The following HLA-DMB variants were observed in gnomAD, a reference collection of about 807,000 sequenced individuals.
HLA-DMB encodes major histocompatibility complex, class II, DM beta.
A neutral mutation model predicts 29.3 loss-of-function variants in HLA-DMB; 18 were observed. The ratio of observed to expected loss-of-function variants is 0.62; its 90% CI spans 0.43 to 0.91. HLA-DMB has a LOEUF of 0.91. HLA-DMB is among the 40% of genes least tolerant of loss of function. The pLI is 0.00. For missense variants in HLA-DMB, 258 were observed against 320.9 expected (o/e 0.80, Z 1.50); for synonymous variants, 143 against 128.7 (o/e 1.11, Z -0.75).
intron 3 of HLA-DMB, chr6:32,936,351 C>G (rs1003471659): frequency 2.6e-5 from 4 of 152,442 alleles, no homozygotes; most frequent in Non-Finnish European, 5.9e-5. Context: ...TCTCTGTTCT[C>G]CATTCCCTTC....
chr6:32,938,992 G>A (rs992544321), intron 1 of HLA-DMB, 27 bp from the exon 2 acceptor site: 2 of 1,387,444 alleles, frequency 1.4e-6, no homozygotes, highest in Admixed American at 5.5e-5. Context: ...AGGGAGAACA[G>A]GTCAATGTCT....
In HLA-DMB at chr6:32,936,199, C is replaced by T. The variant is rs534029776; in HGVS notation, c.623-547G>A. 5.4e-4 allele frequency: 83 copies of T among 154,994 alleles called. 2 individuals are homozygous for T. The South Asian group carries it at 9.3e-3, about 17-fold the overall frequency. 9.6% of individuals were successfully genotyped at this position (154,994 alleles called of 1,614,324 possible). A position where few individuals can be genotyped will look rare whatever the true frequency, so the allele number is the denominator to read the frequency against. On this transcript the variant is annotated intron_variant, in intron 3 of 5. Transcript: ENST00000418107. ...CCACAGCCCCTGCACTTCCTTGGGC[C>T]GGTCCTGTTCTGAATCATGTCCCAC... is the stretch of plus-strand genomic sequence containing the variant.
rs774065296 is a variant in HLA-DMB at position 32,935,628 on chromosome 6, G to T, written c.647C>A (p.Thr216Asn). Residue 216 changes from threonine (T) to asparagine (N), a missense_variant, in exon 4 of 6, where the codon ACC becomes AAC. Transcript: ENST00000418107. ...CACTGCAGACACAGAAACCTTCAGG[G>T]TCTGCATGGGGGACAGCCCAGGTGC... is the stretch of plus-strand genomic sequence containing the variant. ...DWTPGLSPMQ[T>N]LKVSVSAVTL... The T allele has an allele frequency of 6.2e-7, 1 of 1,612,738 alleles. No homozygotes were observed. Among genetic ancestry groups the T allele is most frequent in the South Asian group, 1.1e-5 (1 of 91,050 alleles).
chr6:32,938,792 A>C lies in HLA-DMB; in HGVS notation c.229T>G (p.Ser77Ala). 1 of 1,610,942 alleles carries C rather than the reference A, an allele frequency of 6.2e-7. No homozygotes were observed. Among genetic ancestry groups the C allele is most frequent in the Non-Finnish European group, 8.5e-7 (1 of 1,179,072 alleles). ...GTGTCTTTTTGGTTGAGGTGCTGTG[A>C]GAGGACATTCGCCAAGCTATTCAGC... Reference protein sequence around the residue: ...GVLNSLANVLSQHLNQKDTLM... With the variant: ...GVLNSLANVLAQHLNQKDTLM... Residue 77 changes from serine (S) to alanine (A), a missense_variant, in exon 2 of 6, where the codon TCA becomes GCA. Physicochemically the swap from Ser to Ala is moderately conservative, Grantham distance 99. Transcript: ENST00000418107.
intron 2 of HLA-DMB, chr6:32,938,081 A>G (rs1776114000): frequency 6.5e-6 from 1 of 153,112 alleles, no homozygotes. Context: ...CCAAGGAATT[A>G]TGTTAAAATG....
At chr6:32,935,109 A>C in intron 5 of HLA-DMB, 122 bp from the exon 6 acceptor site, 1 of 1,124,862 alleles carries the variant, frequency 8.9e-7, no homozygotes, top group Non-Finnish European at 1.3e-6. Context: ...CCAACAACTA[A>C]TACAAAGGAA....
chr6:32,935,561 G>C lies in HLA-DMB; in HGVS notation c.714C>G (p.Ile238Met), dbSNP rs1383721088. The C allele has an allele frequency of 1.9e-6, 3 of 1,612,864 alleles. No individual in the cohort carries two copies. The African/African-American group carries it at 4.0e-5, about 22-fold the overall frequency. Reference sequence around the variant, plus strand: ...TAGAGTGGCCAGCTCTCCGCCAGCTGATCACACCAAGAGAGAAGATGATGA... The same window carrying C: ...TAGAGTGGCCAGCTCTCCGCCAGCTCATCACACCAAGAGAGAAGATGATGA... The part of the protein sequence containing the change: ...LGLIIFSLGV[I>M]SWRRAGHSSY... Residue 238 changes from isoleucine (I) to methionine (M), a missense_variant, in exon 4 of 6, where the codon ATC (isoleucine) becomes ATG (methionine). Coordinates refer to ENST00000418107, the MANE Select transcript of HLA-DMB (RefSeq NM_002118.5).
At chr6:32,935,796 A>G in intron 3 of HLA-DMB, 144 bp from the exon 4 acceptor site, 1 of 625,458 alleles carries the variant, frequency 1.6e-6, no homozygotes, top group Non-Finnish European at 2.9e-6. Context: ...CTCCCAAGAA[A>G]ATGATCTTTC....
rs139997170 is a variant in HLA-DMB at position 32,937,525 on chromosome 6, T to C, written c.338-69A>G. 4,527 of 1,485,838 alleles carry C rather than the reference T, an allele frequency of 3.0e-3. 23 individuals are homozygous for C. Among genetic ancestry groups the C allele is most frequent in the Middle Eastern group, 0.015 (73 of 4,862 alleles). The allele number at this position is 1,485,838 out of a possible 1,614,324, so 92.0% of individuals were successfully genotyped here. ...CTGGCTGCTTCCTCAACCTGGTTTC[T>C]TCCCTATCGCAACTCTTCGTAGATT... is the stretch of plus-strand genomic sequence containing the variant. On this transcript the variant is annotated intron_variant, in intron 2 of 5. Coordinates refer to ENST00000418107, the MANE Select transcript of HLA-DMB (RefSeq NM_002118.5). This position sits in a 1 kb window ranked among gnomAD's most constrained non-coding sequence, Gnocchi z 4.1.
In HLA-DMB at chr6:32,935,518, G is replaced by A; in HGVS notation, c.739+18C>T. The stretch of plus-strand genomic sequence containing the variant: ...AGTGGGACCAAGAGTGGGGATGGGA[G>A]TTCAGCGAGTCACTCACTAGAGTGG... On this transcript the variant is annotated intron_variant, in intron 4 of 5. Coordinates refer to ENST00000418107, the MANE Select transcript of HLA-DMB (RefSeq NM_002118.5). 6.3e-7 allele frequency: 1 copy of A among 1,591,078 alleles called. No individual in the cohort carries two copies.
chr6:32,935,947 C>T (rs68600), intron 3 of HLA-DMB: 194,332 of 438,048 alleles, frequency 0.44, 45,310 homozygotes, highest in Middle Eastern at 0.47. Context: ...TTCCTTTACC[C>T]CAAAGCCACC....
rs772240569 is a variant in HLA-DMB, at chr6:32,937,406, G to T, written c.388C>A (p.Pro130Thr). The T allele has an allele frequency of 1.3e-5, 21 of 1,614,046 alleles. No homozygotes were observed. In the East Asian group the frequency reaches 1.6e-4, roughly 12 times the overall value. The change falls in exon 3 of 6, where the codon CCT becomes ACT. Residue 130 changes from proline (P) to threonine (T), a missense_variant. By Grantham distance (38) the Pro-to-Thr change is conservative. Transcript: ENST00000418107. The surrounding 1 kb of genome is among the most constrained non-coding windows in gnomAD (Gnocchi z 4.1). ...AKTTPFNTREPVMLACYVWGF... is the reference protein window; with the variant it reads ...AKTTPFNTRETVMLACYVWGF... ...CACACATAGCAGGCCAGCATCACAGGCTCCCTCGTGTTAAAAGGAGTGGTT... is the reference window on the plus strand; with the variant it reads ...CACACATAGCAGGCCAGCATCACAGTCTCCCTCGTGTTAAAAGGAGTGGTT...
chr6:32,939,079 A>G (rs1375944639), intron 1 of HLA-DMB, 114 bp from the exon 2 acceptor site: 4 of 703,174 alleles, frequency 5.7e-6, no homozygotes, highest in Middle Eastern at 4.7e-4. Flanking sequence ...AAACATACAG[A>G]CGTATATTTA....
At position 32,937,374 on chromosome 6, in the gene HLA-DMB, G is replaced by C. The variant is rs1776070660; in HGVS notation, c.420C>G (p.Phe140Leu). Residue 140 changes from phenylalanine (F) to leucine (L), a missense_variant, in exon 3 of 6, where the codon TTC becomes TTG. Transcript: ENST00000418107. This position sits in a 1 kb window ranked among gnomAD's most constrained non-coding sequence, Gnocchi z 4.1. The stretch of plus-strand genomic sequence containing the variant: ...ACGTGATAGTCACTTCTGCTGGATA[G>C]AAGCCCCACACATAGCAGGCCAGCA... ...PVMLACYVWG[F>L]YPAEVTITWR... 6.2e-7 allele frequency: 1 copy of C among 1,614,214 alleles called. No individual in the cohort carries two copies. The highest frequency in any genetic ancestry group is 8.5e-7 in the Non-Finnish European group (1 of 1,180,032).
intron 1 of HLA-DMB, 85 bp downstream of exon 1, chr6:32,940,668 G>T: frequency 1.1e-6 from 1 of 946,768 alleles, no homozygotes. Context: ...ACTATCTGGG[G>T]TGTCAAATGC....
intron 1 of HLA-DMB, among the ~76,000 whole-genome samples, chr6:32,940,105 GA>G (rs1377848607): frequency 6.7e-6 from 1 of 150,196 alleles, no homozygotes; most frequent in Non-Finnish European, 1.5e-5. Flanking sequence ...GCATATAGAA[GA>G]AAAAAAGTTG....
In HLA-DMB at chr6:32,935,621, C is replaced by G; in HGVS notation, c.654G>C (p.Lys218Asn). The G allele has an allele frequency of 6.2e-7, 1 of 1,612,788 alleles. No individual in the cohort carries two copies. The highest frequency in any genetic ancestry group is 1.1e-5 in the South Asian group (1 of 91,064). ...TPGLSPMQTL[K>N]VSVSAVTLGL... The stretch of plus-strand genomic sequence containing the variant: ...CCAGAGTCACTGCAGACACAGAAAC[C>G]TTCAGGGTCTGCATGGGGGACAGCC... Residue 218 changes from lysine to asparagine, a missense_variant, in exon 4 of 6, where the codon AAG becomes AAC. Coordinates refer to ENST00000418107, the MANE Select transcript of HLA-DMB (RefSeq NM_002118.5).
rs757914913 is a variant in HLA-DMB, at chr6:32,937,471, A to G, written c.338-15T>C. The G allele has an allele frequency of 1.2e-6, 2 of 1,603,976 alleles. No homozygotes were observed. The highest frequency in any genetic ancestry group is 1.7e-6 in the Non-Finnish European group (2 of 1,173,154). Reference sequence around the variant, plus strand: ...AGATGGTGGCCCTGCATAGGAGAAAAAAACATGTTTAGGAAGGAGGGTGAC... The same window carrying G: ...AGATGGTGGCCCTGCATAGGAGAAAGAAACATGTTTAGGAAGGAGGGTGAC... On this transcript the variant is annotated splice_polypyrimidine_tract_variant and intron_variant, in intron 2 of 5. Coordinates refer to ENST00000418107, the MANE Select transcript of HLA-DMB (RefSeq NM_002118.5). This position sits in a 1 kb window ranked among gnomAD's most constrained non-coding sequence, Gnocchi z 4.1.
intron 3 of HLA-DMB, chr6:32,935,886 G>A (rs189578704): frequency 1.2e-4 from 67 of 573,318 alleles, no homozygotes; most frequent in Non-Finnish European, 1.9e-4. Flanking sequence ...TAGCATCCTG[G>A]CTTCCAGGTC....
Sources: gnomAD v4.1 joint callset for allele counts (sites outside exome capture counted in the v4.1 genomes callset) on GRCh38, gnomAD v4.1.1 for gene constraint, Gnocchi (gnomAD v3.1) non-coding constraint, MANE v1.5 for transcripts, NCBI Gene and HGNC (gene_info 2026-07-23, HGNC 2026-07-21) for gene names.